The following RBFOX1 variants were observed in gnomAD, a reference collection of about 807,000 sequenced individuals.
RBFOX1 encodes the protein RNA binding fox-1 homolog 1.
Under a neutral mutation model 57.7 loss-of-function variants are expected in RBFOX1, and 8 were observed. The observed-to-expected ratio is 0.14, with a 90% CI of 0.08 to 0.25. The LOEUF (loss-of-function observed/expected upper bound fraction) is 0.25, where lower values mean the gene tolerates loss of function less well. RBFOX1 is among the 10% of genes least tolerant of loss of function. The pLI is 1.00. For synonymous variants in RBFOX1, 326 were observed against 222.4 expected (o/e 1.47, Z -4.15); for missense variants, 611 against 548.5 (o/e 1.11, Z -1.14).
At chr16:6,543,146 C>T (rs950973466) in intron 2 of RBFOX1, among the ~76,000 whole-genome samples, 1 of 152,162 alleles carries the variant, frequency 6.6e-6, no homozygotes, top group South Asian at 2.1e-4. Context: ...AAATGTGGCA[C>T]ATTTGTACCC....
chr16:5,742,432 A>C (rs1168508294), intron 3 of RBFOX1, among the ~76,000 whole-genome samples: 1 of 151,636 alleles, frequency 6.6e-6, no homozygotes, highest in Non-Finnish European at 1.5e-5. Context: ...GTGCTTTTAT[A>C]GCGGATTTAA....
chr16:7,029,458 G>C (rs2042233431), intron 3 of RBFOX1, among the ~76,000 whole-genome samples: 1 of 151,628 alleles, frequency 6.6e-6, no homozygotes, highest in Admixed American at 6.6e-5. Context: ...TCTTCAGTCA[G>C]GATGGAATAG....
intron 2 of RBFOX1, among the ~76,000 whole-genome samples, chr16:6,423,299 T>C (rs892114256): frequency 6.6e-6 from 1 of 152,172 alleles, no homozygotes; most frequent in African/African-American, 2.4e-5. Context: ...ATGATCCCTG[T>C]AGGAGGCACG....
chr16:5,817,101 C>G (rs886862098), intron 3 of RBFOX1, among the ~76,000 whole-genome samples: 1 of 152,194 alleles, frequency 6.6e-6, no homozygotes, highest in Non-Finnish European at 1.5e-5. Flanking sequence ...AGGATATCCC[C>G]TTTCCTGTAC....
intron 1 of RBFOX1, among the ~76,000 whole-genome samples, chr16:6,058,846 A>G (rs2095649185): frequency 6.6e-6 from 1 of 151,108 alleles, no homozygotes. Context: ...CCATCCATCC[A>G]TCCATCCATC....
chr16:7,021,663 T>A (rs1321756461), intron 3 of RBFOX1, among the ~76,000 whole-genome samples: 1 of 149,208 alleles, frequency 6.7e-6, no homozygotes, highest in African/African-American at 2.4e-5. Flanking sequence ...TTTATTTCCC[T>A]CAGCCTATTT....
At chr16:7,331,931 C>T (rs756369372) in intron 4 of RBFOX1, among the ~76,000 whole-genome samples, 1 of 152,106 alleles carries the variant, frequency 6.6e-6, no homozygotes, top group Non-Finnish European at 1.5e-5. Flanking sequence ...CAAATCTGTG[C>T]TTGAATGTAT....
At chr16:6,526,829 C>CACAAA (rs1567560528) in intron 2 of RBFOX1, among the ~76,000 whole-genome samples, 4 of 32,890 alleles carry the variant, frequency 1.2e-4, no homozygotes, top group Non-Finnish European at 2.2e-4. Context: ...GACTCTGTCT[C>CACAAA]AAAAAAAAAA....
chr16:6,924,493 A>C (rs1470613732), intron 3 of RBFOX1, among the ~76,000 whole-genome samples: 1 of 151,974 alleles, frequency 6.6e-6, no homozygotes, highest in Non-Finnish European at 1.5e-5. Context: ...CACCCCCATA[A>C]CTCAAATATT....
intron 4 of RBFOX1, among the ~76,000 whole-genome samples, chr16:7,502,451 G>A (rs1234250141): frequency 1.3e-5 from 2 of 152,100 alleles, no homozygotes; most frequent in African/African-American, 4.8e-5. Context: ...TGGTTGCTAA[G>A]TTTTCACCAT....
At chr16:6,512,320 ATGC>A (rs2096272569) in intron 2 of RBFOX1, among the ~76,000 whole-genome samples, 1 of 148,524 alleles carries the variant, frequency 6.7e-6, no homozygotes, top group Non-Finnish European at 1.5e-5. Flanking sequence ...AAAGAGATTT[ATGC>A]ATGTATTTAA....
intron 2 of RBFOX1, among the ~76,000 whole-genome samples, chr16:5,570,448 G>A (rs1206031822): frequency 6.6e-6 from 1 of 152,152 alleles, no homozygotes; most frequent in Non-Finnish European, 1.5e-5. Flanking sequence ...TAGGTCCCTG[G>A]CAAGCATTTG....
intron 1 of RBFOX1, among the ~76,000 whole-genome samples, chr16:5,266,705 C>A (rs1388511089): frequency 6.6e-6 from 1 of 151,876 alleles, no homozygotes; most frequent in East Asian, 1.9e-4. Context: ...TGTGCCACCA[C>A]TCTTGCCTAA....
At chr16:6,752,126 C>T (rs944972576) in intron 3 of RBFOX1, among the ~76,000 whole-genome samples, 13 of 152,150 alleles carry the variant, frequency 8.5e-5, no homozygotes, top group South Asian at 2.1e-4. Context: ...ACCATAAAAA[C>T]GAGTGTTTTG....
chr16:6,974,437 C>G (rs531757674), intron 3 of RBFOX1, among the ~76,000 whole-genome samples: 1 of 145,452 alleles, frequency 6.9e-6, no homozygotes, highest in Non-Finnish European at 1.5e-5. Context: ...TTTCGCCTCC[C>G]AGGTTCAAGG....
chr16:6,376,540 G>A (rs2091199637), intron 2 of RBFOX1, among the ~76,000 whole-genome samples: 1 of 152,124 alleles, frequency 6.6e-6, no homozygotes, highest in Non-Finnish European at 1.5e-5. Context: ...TTTGAAAGCT[G>A]CCTCACTCCT....
At chr16:5,451,796 G>T (rs1024542551) in intron 1 of RBFOX1, among the ~76,000 whole-genome samples, 1 of 152,042 alleles carries the variant, frequency 6.6e-6, no homozygotes, top group African/African-American at 2.4e-5. Context: ...GGCTACCTGA[G>T]CTTTCTCTCC....
intron 4 of RBFOX1, among the ~76,000 whole-genome samples, chr16:7,451,636 G>C (rs1481304976): frequency 1.3e-5 from 2 of 152,144 alleles, no homozygotes; most frequent in East Asian, 3.9e-4. Flanking sequence ...CTAACATTTT[G>C]AAATTAAACC....
intron 1 of RBFOX1, among the ~76,000 whole-genome samples, chr16:6,274,405 C>A (rs1288530369): frequency 2.0e-5 from 3 of 152,066 alleles, no homozygotes; most frequent in Non-Finnish European, 4.4e-5. Context: ...CATGCAACAG[C>A]CCAACAGCCT....
Sources: gnomAD v4.1 joint callset for allele counts (sites outside exome capture counted in the v4.1 genomes callset) on GRCh38, gnomAD v4.1.1 for gene constraint, MANE v1.5 for transcripts, NCBI Gene and HGNC (gene_info 2026-07-23, HGNC 2026-07-21) for gene names.